Variants in ROBO2 observed in about 807,000 individuals in gnomAD.
The protein encoded by ROBO2 is roundabout guidance receptor 2.
Under a neutral mutation model 160.8 loss-of-function variants are expected in ROBO2, and 53 were observed. That is an observed-to-expected ratio of 0.33 (90% CI 0.26 to 0.41). The LOEUF (loss-of-function observed/expected upper bound fraction) is 0.41, where lower values mean the gene tolerates loss of function less well. Ranked by LOEUF, ROBO2 falls within the 10% of genes least tolerant of loss-of-function variation. The pLI is 1.00. For missense variants in ROBO2, 1,577 were observed against 1,722.4 expected (o/e 0.92, Z 1.49); for synonymous variants, 664 against 611.7 (o/e 1.09, Z -1.26).
chr3:76,438,981 T>C (rs2076804935), intron 2 of ROBO2, among the ~76,000 whole-genome samples: 1 of 152,104 alleles, frequency 6.6e-6, no homozygotes, highest in Admixed American at 6.6e-5. Context: ...TTGGGTTTTT[T>C]TTTACACTTC....
At chr3:75,909,983 G>A (rs1946499389) in intron 1 of ROBO2, among the ~76,000 whole-genome samples, 1 of 152,200 alleles carries the variant, frequency 6.6e-6, no homozygotes, top group Non-Finnish European at 1.5e-5. Flanking sequence ...TGAGATGGAA[G>A]TAAGATGAGG....
intron 2 of ROBO2, among the ~76,000 whole-genome samples, chr3:76,579,382 T>G (rs567091762): frequency 1.3e-5 from 2 of 152,332 alleles, no homozygotes; most frequent in Admixed American, 1.3e-4. Flanking sequence ...TATGCTTTTA[T>G]TTTTTATTTA....
intron 2 of ROBO2, among the ~76,000 whole-genome samples, chr3:76,239,193 A>AT (rs1189142327): frequency 6.6e-6 from 1 of 152,120 alleles, no homozygotes; most frequent in Non-Finnish European, 1.5e-5. Context: ...AGAGAAATAA[A>AT]TTTTTTTAAG....
rs186561318 is a variant in ROBO2, at chr3:76,068,975, A to G, written c.109+131373A>G. ...TTCCTAGGTTGCTTCGTTGACCACC[A>G]TCTTCCTGATTTCTCAATTACAGCA... is the stretch of plus-strand genomic sequence containing the variant. On this transcript the variant is annotated intron_variant, in intron 2 of 26. Coordinates refer to the ROBO2 transcript ENST00000487694. Among the ~76,000 whole-genome samples the G allele has an allele frequency of 5.6e-3, 856 of 152,276 alleles. 8 individuals carry two copies. Among genetic ancestry groups the G allele is most frequent in the Non-Finnish European group, 7.0e-3 (478 of 68,024 alleles).
intron 2 of ROBO2, among the ~76,000 whole-genome samples, chr3:76,251,106 A>T (rs754853204): frequency 3.9e-5 from 6 of 151,916 alleles, no homozygotes; most frequent in Non-Finnish European, 8.8e-5. Flanking sequence ...CACCCTTCCT[A>T]CCCCTGCAGC....
chr3:76,374,912 T>C (rs1264168208), intron 2 of ROBO2, among the ~76,000 whole-genome samples: 3 of 151,596 alleles, frequency 2.0e-5, no homozygotes, highest in Non-Finnish European at 4.4e-5. Context: ...CATTCTTTTA[T>C]CAGTGTGACT....
intron 2 of ROBO2, among the ~76,000 whole-genome samples, chr3:76,976,667 T>C (rs1175608115): frequency 6.6e-6 from 1 of 152,202 alleles, no homozygotes; most frequent in Non-Finnish European, 1.5e-5. Context: ...TTGAGTCACA[T>C]TGTGCTTTAC....
At chr3:76,557,604 CTTTTTT>C (rs58555009) in intron 2 of ROBO2, among the ~76,000 whole-genome samples, 1 of 130,368 alleles carries the variant, frequency 7.7e-6, no homozygotes, top group Non-Finnish European at 1.6e-5. Flanking sequence ...TAAAGGGTGC[CTTTTTT>C]TTTTTTTTTT....
intron 2 of ROBO2, among the ~76,000 whole-genome samples, chr3:77,180,435 T>TATATG (rs1491200828): frequency 1.4e-4 from 9 of 63,932 alleles, no homozygotes; most frequent in Non-Finnish European, 1.9e-4. Flanking sequence ...TATATATGTA[T>TATATG]TTTTTTTTTT....
intron 2 of ROBO2, among the ~76,000 whole-genome samples, chr3:76,992,373 T>G (rs1284940655): frequency 8.4e-6 from 1 of 119,290 alleles, no homozygotes; most frequent in African/African-American, 3.0e-5. Context: ...ATATATAAAT[T>G]TAGCTTTTGT....
At chr3:76,028,762 C>G (rs1467169975) in intron 2 of ROBO2, among the ~76,000 whole-genome samples, 3 of 151,898 alleles carry the variant, frequency 2.0e-5, no homozygotes, top group African/African-American at 4.8e-5. Context: ...CATGAAGTCT[C>G]TTAATAACAT....
chr3:76,376,862 C>T (rs965513024), intron 2 of ROBO2, among the ~76,000 whole-genome samples: 5 of 151,990 alleles, frequency 3.3e-5, no homozygotes, highest in Non-Finnish European at 7.4e-5. Flanking sequence ...GCCAGTGGAC[C>T]CCTGGCTTTT....
intron 2 of ROBO2, among the ~76,000 whole-genome samples, chr3:77,292,642 G>A (rs1469230112): frequency 6.6e-6 from 1 of 151,280 alleles, no homozygotes; most frequent in Non-Finnish European, 1.5e-5. Context: ...GGAAGTTGAG[G>A]CTAGAACAGT....
intron 2 of ROBO2, among the ~76,000 whole-genome samples, chr3:76,409,608 A>C (rs1220228883): frequency 6.6e-6 from 1 of 152,056 alleles, no homozygotes; most frequent in Admixed American, 6.6e-5. Context: ...ATTGAGGAGG[A>C]ACAGGTGCAG....
At chr3:77,217,720 T>C (rs552701076) in intron 2 of ROBO2, among the ~76,000 whole-genome samples, 1 of 152,332 alleles carries the variant, frequency 6.6e-6, no homozygotes, top group East Asian at 1.9e-4. Flanking sequence ...ACCAGTTATA[T>C]AAAAATTGTA....
intron 8 of ROBO2, among the ~76,000 whole-genome samples, chr3:77,553,645 T>A (rs1438843412): frequency 6.6e-6 from 1 of 151,976 alleles, no homozygotes; most frequent in African/African-American, 2.4e-5. Flanking sequence ...AACAGCCTAT[T>A]GCTGATATGA....
At chr3:76,025,765 T>C (rs1432016469) in intron 2 of ROBO2, among the ~76,000 whole-genome samples, 1 of 151,776 alleles carries the variant, frequency 6.6e-6, no homozygotes, top group Non-Finnish European at 1.5e-5. Context: ...ATATTTTCCA[T>C]GCTCTGTAAT....
chr3:76,804,695 G>T (rs1277401082), intron 2 of ROBO2, among the ~76,000 whole-genome samples: 1 of 152,150 alleles, frequency 6.6e-6, no homozygotes, highest in African/African-American at 2.4e-5. Flanking sequence ...TGTTTAGACT[G>T]AGTATAATAA....
At chr3:77,522,936 C>A in intron 6 of ROBO2, 34 bp downstream of exon 6, 1 of 1,606,678 alleles carries the variant, frequency 6.2e-7, no homozygotes, top group South Asian at 1.1e-5. Flanking sequence ...ATAATTGAAC[C>A]AGGAGACTAA....
Sources: allele counts gnomAD v4.1 joint callset (sites outside exome capture counted in the v4.1 genomes callset), GRCh38; gene constraint gnomAD v4.1.1; transcripts MANE v1.5; gene names NCBI Gene and HGNC (gene_info 2026-07-23, HGNC 2026-07-21).